LSAMP: variants seen among roughly 807,000 people sequenced by gnomAD.
The protein encoded by LSAMP is limbic system associated membrane protein.
LSAMP carries 7 observed loss-of-function variants against 38.6 expected under a neutral mutation model. That is an observed-to-expected ratio of 0.18 (90% CI 0.10 to 0.34). LSAMP has a LOEUF of 0.34. LSAMP is among the 10% of genes least tolerant of loss of function. The probability of loss-of-function intolerance (pLI) is 1.00; values close to 1 mark genes in which losing one functional copy is unlikely to be tolerated. For missense variants in LSAMP, 313 were observed against 420.0 expected, an observed-to-expected ratio of 0.75 and a Z score of 2.23; for synonymous variants, 154 against 166.8, an observed-to-expected ratio of 0.92 and a Z score of 0.59.
chr3:116,337,476 G>T (rs1276474521), intron 1 of LSAMP, among the ~76,000 whole-genome samples: 1 of 151,876 alleles, frequency 6.6e-6, no homozygotes, highest in Non-Finnish European at 1.5e-5. Context: ...AATTTTACTG[G>T]GTTGAGATAT....
chr3:115,901,477 A>G (rs1003908203), intron 3 of LSAMP, among the ~76,000 whole-genome samples: 2 of 152,098 alleles, frequency 1.3e-5, no homozygotes, highest in Middle Eastern at 3.2e-3. Context: ...AACCTGGATG[A>G]CACACTAGCA....
intron 3 of LSAMP, among the ~76,000 whole-genome samples, chr3:115,916,741 T>C (rs553647706): frequency 2.0e-5 from 3 of 152,356 alleles, no homozygotes; most frequent in South Asian, 4.1e-4. Context: ...GATACTATTC[T>C]TCTATTGCAG....
intron 3 of LSAMP, among the ~76,000 whole-genome samples, chr3:115,959,671 C>G (rs1389156656): frequency 1.3e-5 from 2 of 152,140 alleles, no homozygotes; most frequent in Admixed American, 1.3e-4. Context: ...GTAACTGTGC[C>G]TATCTCACAG....
At chr3:116,429,281 T>A (rs951571197) in intron 1 of LSAMP, among the ~76,000 whole-genome samples, 9 of 152,272 alleles carry the variant, frequency 5.9e-5, no homozygotes, top group African/African-American at 1.9e-4. Flanking sequence ...CAAAAAGAGA[T>A]AAAATAGTGA....
chr3:116,266,165 T>TC (rs1330612396), intron 1 of LSAMP, among the ~76,000 whole-genome samples: 1 of 152,114 alleles, frequency 6.6e-6, no homozygotes, highest in Admixed American at 6.5e-5. Flanking sequence ...CTCCCTTTCT[T>TC]CCCCACACAA....
intron 3 of LSAMP, among the ~76,000 whole-genome samples, chr3:115,906,042 A>G (rs1479049006): frequency 6.6e-6 from 1 of 152,114 alleles, no homozygotes; most frequent in Admixed American, 6.6e-5. Flanking sequence ...CTGGACCTTG[A>G]AAACAGGTGC....
At chr3:116,063,291 A>G (rs539512956) in intron 2 of LSAMP, among the ~76,000 whole-genome samples, 60 of 152,338 alleles carry the variant, frequency 3.9e-4, no homozygotes, top group African/African-American at 1.4e-3. Context: ...ATTACACACA[A>G]TACAATTCTT....
intron 1 of LSAMP, among the ~76,000 whole-genome samples, chr3:116,351,943 A>G (rs997998624): frequency 1.4e-4 from 21 of 152,106 alleles, no homozygotes; most frequent in Non-Finnish European, 2.9e-5. Flanking sequence ...GATATATATC[A>G]TCCTCTTTCA....
chr3:116,229,913 T>TTA (rs923346341), intron 1 of LSAMP, among the ~76,000 whole-genome samples: 1 of 152,134 alleles, frequency 6.6e-6, no homozygotes, highest in Admixed American at 6.6e-5. Flanking sequence ...GGTAACTGAA[T>TTA]TATAAGGAGA....
At chr3:116,184,427 A>G (rs1458005415) in intron 1 of LSAMP, among the ~76,000 whole-genome samples, 1 of 151,960 alleles carries the variant, frequency 6.6e-6, no homozygotes, top group African/African-American at 2.4e-5. Context: ...GTAAGTACAG[A>G]AGTTCACTGT....
At position 115,922,737 on chromosome 3, in the gene LSAMP, G is replaced by A. The variant is rs1179847144; in HGVS notation, c.515-70120C>T. 3.3e-5 allele frequency among the ~76,000 whole-genome samples: 5 copies of A among 152,254 alleles called. No homozygotes were observed. The South Asian group carries it at 8.3e-4, about 25-fold the overall frequency. ...CCATCAGTCAGGCTGGGGGTTAAGG[G>A]TGCCTCTGAAATCTTTTGGGGAAGA... On this transcript the variant is annotated intron_variant, in intron 3 of 6. Coordinates refer to ENST00000490035, the MANE Select transcript of LSAMP (RefSeq NM_002338.5).
chr3:115,836,910 A>G (rs1352673699), intron 6 of LSAMP, among the ~76,000 whole-genome samples: 1 of 151,994 alleles, frequency 6.6e-6, no homozygotes, highest in Non-Finnish European at 1.5e-5. Context: ...CCTCCTGCGT[A>G]GGTGGGACCA....
chr3:116,288,592 A>G (rs1410505995), intron 1 of LSAMP, among the ~76,000 whole-genome samples: 1 of 152,202 alleles, frequency 6.6e-6, no homozygotes. Flanking sequence ...TCTCTCCCTC[A>G]CAAAGTCAGA....
At chr3:116,130,693 G>T (rs1709106061) in intron 1 of LSAMP, among the ~76,000 whole-genome samples, 1 of 151,884 alleles carries the variant, frequency 6.6e-6, no homozygotes, top group South Asian at 2.1e-4. Context: ...TAAGTATTTT[G>T]TAAATATAAT....
intron 2 of LSAMP, among the ~76,000 whole-genome samples, chr3:116,073,637 T>C (rs576277855): frequency 6.6e-6 from 1 of 152,194 alleles, no homozygotes; most frequent in Non-Finnish European, 1.5e-5. Flanking sequence ...ACTTCCCTTG[T>C]TGGAATGCTA....
At chr3:115,939,883 G>A (rs1937851746) in intron 3 of LSAMP, among the ~76,000 whole-genome samples, 1 of 151,978 alleles carries the variant, frequency 6.6e-6, no homozygotes, top group African/African-American at 2.4e-5. Context: ...GTCCAGCATT[G>A]GTTCCTTCTG....
At chr3:116,317,207 C>T (rs1485481287) in intron 1 of LSAMP, among the ~76,000 whole-genome samples, 2 of 152,118 alleles carry the variant, frequency 1.3e-5, no homozygotes, top group Non-Finnish European at 2.9e-5. Flanking sequence ...AATCTTGCTG[C>T]TGCTCACTGT....
chr3:116,339,777 C>A (rs1559833651), intron 1 of LSAMP, among the ~76,000 whole-genome samples: 1 of 152,166 alleles, frequency 6.6e-6, no homozygotes, highest in East Asian at 1.9e-4. Flanking sequence ...TTTTGGCTGA[C>A]TTCCCCAGCT....
At chr3:116,209,364 T>G (rs9989961) in intron 1 of LSAMP, among the ~76,000 whole-genome samples, 123,262 of 152,206 alleles carry the variant, frequency 0.81, 50,586 homozygotes, top group East Asian at 0.91. Flanking sequence ...CGTCTTCTGC[T>G]TCGCTCACGC....
Sources: gnomAD v4.1 joint callset for allele counts (sites outside exome capture counted in the v4.1 genomes callset) on GRCh38, gnomAD v4.1.1 for gene constraint, MANE v1.5 for transcripts, NCBI Gene and HGNC (gene_info 2026-07-23, HGNC 2026-07-21) for gene names.